Variants in ABCA12 observed in about 807,000 individuals in gnomAD.
ABCA12 encodes ATP binding cassette subfamily A member 12.
ABCA12 carries 156 observed loss-of-function variants against 293.5 expected under a neutral mutation model. The ratio of observed to expected loss-of-function variants is 0.53; its 90% CI spans 0.47 to 0.61. The LOEUF is 0.61. Among genes scored for constraint, ABCA12 ranks in the 20% least tolerant of loss-of-function variants. The pLI is 0.00. For synonymous variants in ABCA12, 1,063 were observed against 1,108.0 expected (o/e 0.96, Z 0.81); for missense variants, 2,797 against 3,090.2 (o/e 0.91, Z 2.25).
chr2:215,057,302 C>G (rs2106064737), intron 3 of ABCA12, among the ~76,000 whole-genome samples: 1 of 152,098 alleles, frequency 6.6e-6, no homozygotes. Context: ...CCAAGAGTCT[C>G]TCTGGGCCCT....
intron 1 of ABCA12, among the ~76,000 whole-genome samples, chr2:215,125,767 TG>T (rs1702907952): frequency 1.3e-5 from 2 of 152,148 alleles, no homozygotes; most frequent in Non-Finnish European, 2.9e-5. Context: ...TCCTCTTTAC[TG>T]GTTTGGATGC....
chr2:215,015,950 C>G (rs1322786099), intron 14 of ABCA12, among the ~76,000 whole-genome samples: 2 of 151,554 alleles, frequency 1.3e-5, no homozygotes, highest in Admixed American at 1.3e-4. Flanking sequence ...CGAGACCAGC[C>G]TGGCCAACAT....
chr2:215,121,095 A>G (rs1290309529), intron 1 of ABCA12, among the ~76,000 whole-genome samples: 2 of 152,200 alleles, frequency 1.3e-5, no homozygotes, highest in Admixed American at 1.3e-4. Context: ...TTTTAACATA[A>G]TAACCTCCCT....
In ABCA12 at chr2:215,111,676, G is replaced by A; in HGVS notation, c.84C>T (p.Val28=). 1 of 1,613,256 alleles carries A rather than the reference G, an allele frequency of 6.2e-7. No individual in the cohort carries two copies. The highest frequency in any genetic ancestry group is 8.5e-7 in the Non-Finnish European group (1 of 1,179,538). ...AAATAATGACTGGCCATAAGATCAAGACAAGTGTCCAAAGCTGCAAAATAA... is the reference window on the plus strand; with the variant it reads ...AAATAATGACTGGCCATAAGATCAAAACAAGTGTCCAAAGCTGCAAAATAA... ...GVKRQPLWTL[V]LILWPVIIFI... Residue 28 remains valine (V), a synonymous_variant, in exon 2 of 53, where the codon GTC becomes GTT. Coordinates refer to ENST00000272895, the MANE Select transcript of ABCA12 (RefSeq NM_173076.3).
chr2:215,055,213 A>G (rs1701396308), intron 3 of ABCA12, among the ~76,000 whole-genome samples: 1 of 152,064 alleles, frequency 6.6e-6, no homozygotes, highest in South Asian at 2.1e-4. Context: ...GGCACCAAGT[A>G]TAAAAGGAAT....
intron 44 of ABCA12, among the ~76,000 whole-genome samples, chr2:214,951,675 T>G (rs758884185): frequency 3.9e-5 from 6 of 152,108 alleles, no homozygotes; most frequent in African/African-American, 7.2e-5. Context: ...GAGAATTGCT[T>G]GAACCTGGGA....
intron 8 of ABCA12, 113 bp from the exon 9 acceptor site, chr2:215,032,009 C>T: frequency 1.3e-6 from 2 of 1,572,166 alleles, no homozygotes; most frequent in South Asian, 1.1e-5. Flanking sequence ...CAGAAATCTG[C>T]AGAATCATTC....
chr2:214,954,009 C>T lies in ABCA12; in HGVS notation c.6492G>A (p.Ser2164=), dbSNP rs151250060. Residue 2164 remains serine, a synonymous_variant, in exon 44 of 53, where the codon TCG becomes TCA. Transcript: ENST00000272895. The part of the protein sequence containing the change: ...YGLIELSQQQ[S]VLDFLKAYGV... ...CATATGCTTTTAAGAAGTCTAGGACCGACTGTTGTTGAGAAAGTTCAATCA... is the reference window on the plus strand; with the variant it reads ...CATATGCTTTTAAGAAGTCTAGGACTGACTGTTGTTGAGAAAGTTCAATCA... 57 of 1,613,834 alleles carry T rather than the reference C, an allele frequency of 3.5e-5. No individual in the cohort carries two copies. The highest frequency in any genetic ancestry group is 1.1e-4 in the East Asian group (5 of 44,852).
chr2:215,040,628 G>C (rs1219084806), intron 7 of ABCA12, among the ~76,000 whole-genome samples: 1 of 152,084 alleles, frequency 6.6e-6, no homozygotes, highest in East Asian at 1.9e-4. Flanking sequence ...GGCCAACATG[G>C]TGAAACCCCG....
rs1301652450 is a variant in ABCA12 at position 215,018,003 on chromosome 2, C to G, written c.1782+5G>C. ...GCATGTAAGTACAAACACATGACAC[C>G]CCACCTCAGCTCTATTATCAGGGAT... is the stretch of plus-strand genomic sequence containing the variant. On this transcript the variant is annotated splice_donor_5th_base_variant and intron_variant, in intron 14 of 52. Transcript: ENST00000272895. The G allele has an allele frequency of 1.2e-6, 2 of 1,613,868 alleles. No individual in the cohort carries two copies. Among genetic ancestry groups the G allele is most frequent in the Admixed American group, 1.7e-5 (1 of 59,986 alleles).
intron 11 of ABCA12, among the ~76,000 whole-genome samples, chr2:215,024,112 A>C (rs1274269333): frequency 1.3e-5 from 2 of 152,098 alleles, no homozygotes; most frequent in Non-Finnish European, 2.9e-5. Context: ...AACTAACCTA[A>C]TTCTATGCAG....
intron 11 of ABCA12, among the ~76,000 whole-genome samples, chr2:215,021,496 C>CG (rs1700630930): frequency 6.6e-6 from 1 of 152,160 alleles, no homozygotes; most frequent in Non-Finnish European, 1.5e-5. Context: ...ATTCCATGCC[C>CG]TACATCCTGG....
chr2:215,027,078 C>A, intron 9 of ABCA12, 140 bp from the exon 10 acceptor site: 1 of 640,716 alleles, frequency 1.6e-6, no homozygotes, highest in South Asian at 1.7e-5. Context: ...GGCGCGGTGG[C>A]TCACGCCTGT....
intron 2 of ABCA12, chr2:215,075,423 T>G: frequency 1.8e-6 from 1 of 560,226 alleles, no homozygotes; most frequent in Non-Finnish European, 3.1e-6. Flanking sequence ...ATTGGCAAAA[T>G]TTTCAGGAAG....
chr2:215,127,206 G>A (rs1240235488), intron 1 of ABCA12, among the ~76,000 whole-genome samples: 1 of 152,000 alleles, frequency 6.6e-6, no homozygotes, highest in Non-Finnish European at 1.5e-5. Context: ...TTGTTTTATG[G>A]CTTATCATAT....
intron 2 of ABCA12, among the ~76,000 whole-genome samples, chr2:215,076,325 C>A (rs1456458847): frequency 1.3e-5 from 2 of 152,274 alleles, no homozygotes; most frequent in Middle Eastern, 3.4e-3. Flanking sequence ...GACAAAAATT[C>A]CCTGGTGGTA....
At chr2:215,034,079 C>T (rs1460894140) in intron 8 of ABCA12, among the ~76,000 whole-genome samples, 2 of 152,132 alleles carry the variant, frequency 1.3e-5, no homozygotes, top group Admixed American at 1.3e-4. Context: ...TAAATTACAT[C>T]CTAAAAATGT....
intron 2 of ABCA12, among the ~76,000 whole-genome samples, chr2:215,077,072 A>G (rs1217637587): frequency 6.6e-6 from 1 of 152,170 alleles, no homozygotes; most frequent in Non-Finnish European, 1.5e-5. Context: ...AATGGAACCT[A>G]CTAGGTTTAC....
At position 215,018,119 on chromosome 2, in the gene ABCA12, T is replaced by C; in HGVS notation, c.1671A>G (p.Glu557=). 2 of 1,613,230 alleles carry C rather than the reference T, an allele frequency of 1.2e-6. No homozygotes were observed. Among genetic ancestry groups the C allele is most frequent in the African/African-American group, 2.7e-5 (2 of 75,038 alleles). ...DASEKPGQLL[E]MFKNVEELKE... ...TCAGCTCTTCAACATTTTTAAACAT[T>C]TCTAGTAACTGACCTGCAAGAAGAA... Residue 557 remains glutamate, a synonymous_variant, in exon 14 of 53, where the codon GAA becomes GAG. Coordinates refer to ENST00000272895, the MANE Select transcript of ABCA12 (RefSeq NM_173076.3).
Sources: gnomAD v4.1 joint callset for allele counts (sites outside exome capture counted in the v4.1 genomes callset) on GRCh38, gnomAD v4.1.1 for gene constraint, MANE v1.5 for transcripts, NCBI Gene and HGNC (gene_info 2026-07-23, HGNC 2026-07-21) for gene names.